The following ZC3H12B variants were observed in gnomAD, a reference collection of about 807,000 sequenced individuals.
ZC3H12B encodes the protein probable ribonuclease ZC3H12B.
A neutral mutation model predicts 43.9 loss-of-function variants in ZC3H12B; 7 were observed. The observed-to-expected ratio is 0.16, with a 90% CI of 0.09 to 0.30. The LOEUF (loss-of-function observed/expected upper bound fraction) is 0.30. ZC3H12B is among the 10% of genes least tolerant of loss of function. The probability of loss-of-function intolerance (pLI) is 1.00; values close to 1 mark genes in which losing one functional copy is unlikely to be tolerated. For missense variants in ZC3H12B, 475 were observed against 670.2 expected, an observed-to-expected ratio of 0.71 and a Z score of 3.22; for synonymous variants, 222 against 241.7, an observed-to-expected ratio of 0.92 and a Z score of 0.76.
chrX:65,449,627 T>TA (rs199559067), intron 3 of ZC3H12B, among the ~76,000 whole-genome samples: 22 of 106,119 alleles, frequency 2.1e-4, no homozygotes, highest in African/African-American at 5.8e-4. Context: ...TCAAAAGAAT[T>TA]AAAAAAAAAA....
At chrX:65,365,924 G>A (rs1314562311), upstream of ZC3H12B, among the ~76,000 whole-genome samples, 1 of 109,400 alleles carries the variant, frequency 9.1e-6, no homozygotes, top group Non-Finnish European at 1.9e-5. Flanking sequence ...TCTCTTTTTG[G>A]ACTCAACCCT....
At chrX:65,329,521 T>C in the ZC3H12B span, among the ~76,000 whole-genome samples, 1 of 91,893 alleles carries the variant, frequency 1.1e-5, no homozygotes, top group Non-Finnish European at 1.9e-5. Context: ...CTGACGGAAG[T>C]TTCTTTTGCT....
chrX:65,192,139 A>G, the ZC3H12B span, among the ~76,000 whole-genome samples: 6 of 109,101 alleles, frequency 5.5e-5, no homozygotes, highest in African/African-American at 2.0e-4. Context: ...CCTGAGTTCT[A>G]GTTTGATTAC....
chrX:65,167,315 C>T, the ZC3H12B span, among the ~76,000 whole-genome samples: 1 of 111,919 alleles, frequency 8.9e-6, no homozygotes, highest in Non-Finnish European at 1.9e-5. Flanking sequence ...TTCCCCATTT[C>T]TGGTTTTTGT....
chrX:65,314,939 G>A, the ZC3H12B span, among the ~76,000 whole-genome samples: 3 of 110,972 alleles, frequency 2.7e-5, no homozygotes, highest in African/African-American at 9.8e-5. Context: ...TAAATTAACT[G>A]TAAGGAGTTA....
chrX:65,472,379 GTTGTTTTTT>G (rs1397184966), intron 3 of ZC3H12B, among the ~76,000 whole-genome samples: 2 of 90,766 alleles, frequency 2.2e-5, no homozygotes, highest in Admixed American at 1.0e-4. Flanking sequence ...CTGTACAGAA[GTTGTTTTTT>G]TTGTTTTTTT....
the ZC3H12B span, among the ~76,000 whole-genome samples, chrX:65,073,376 G>T: frequency 8.9e-6 from 1 of 111,928 alleles, no homozygotes; most frequent in African/African-American, 3.2e-5. Flanking sequence ...CTCTTTTCTG[G>T]CCAGGCATGG....
the ZC3H12B span, among the ~76,000 whole-genome samples, chrX:65,157,137 C>T: frequency 2.3e-4 from 26 of 110,783 alleles, no homozygotes; most frequent in Non-Finnish European, 1.3e-4. Flanking sequence ...GGCTCCAACA[C>T]ACCTGGCTGA....
chrX:65,070,565 T>G, the ZC3H12B span, among the ~76,000 whole-genome samples: 1 of 111,002 alleles, frequency 9.0e-6, no homozygotes, highest in East Asian at 2.8e-4. Context: ...TTTGATGTGG[T>G]GTTTAGTGCT....
upstream of ZC3H12B, among the ~76,000 whole-genome samples, chrX:65,485,178 GT>G (rs2068109133): frequency 2.7e-5 from 3 of 112,449 alleles, no homozygotes; most frequent in African/African-American, 6.5e-5. Flanking sequence ...TCTGACTAAT[GT>G]GATTTTCCAA....
At chrX:65,260,230 T>A in the ZC3H12B span, among the ~76,000 whole-genome samples, 34 of 110,645 alleles carry the variant, frequency 3.1e-4, no homozygotes, top group African/African-American at 7.2e-4. Context: ...AATAAAAAAA[T>A]TTTTAAGCAG....
chrX:65,120,445 G>T, the ZC3H12B span, among the ~76,000 whole-genome samples: 1 of 111,349 alleles, frequency 9.0e-6, no homozygotes, highest in Non-Finnish European at 1.9e-5. Flanking sequence ...TTGGCTCTCT[G>T]TTTGTCTGTT....
At chrX:65,286,617 G>A in the ZC3H12B span, among the ~76,000 whole-genome samples, 1 of 110,301 alleles carries the variant, frequency 9.1e-6, no homozygotes, top group Non-Finnish European at 1.9e-5. Flanking sequence ...ACACACACAC[G>A]TATATAATAC....
the ZC3H12B span, among the ~76,000 whole-genome samples, chrX:65,202,137 T>TCTAAA: frequency 2.7e-5 from 2 of 74,776 alleles, 1 homozygote; most frequent in African/African-American, 2.7e-4. Context: ...ATATATATTT[T>TCTAAA]ATATAATATG....
the ZC3H12B span, among the ~76,000 whole-genome samples, chrX:65,195,343 T>A: frequency 2.7e-5 from 3 of 111,617 alleles, no homozygotes; most frequent in Admixed American, 9.6e-5. Flanking sequence ...GGTTTTTTGA[T>A]TTGAGGTAAC....
At chrX:65,057,250 C>A in the ZC3H12B span, among the ~76,000 whole-genome samples, 25 of 111,737 alleles carry the variant, frequency 2.2e-4, no homozygotes, top group Non-Finnish European at 4.5e-4. Flanking sequence ...TTTAGTGCTT[C>A]CTTCAGGAGC....
the ZC3H12B span, among the ~76,000 whole-genome samples, chrX:65,160,428 A>T: frequency 8.9e-6 from 1 of 111,901 alleles, no homozygotes; most frequent in South Asian, 3.7e-4. Context: ...GATTATTGCC[A>T]CAGCTTCAGA....
At chrX:65,124,347 T>C in the ZC3H12B span, among the ~76,000 whole-genome samples, 1 of 111,400 alleles carries the variant, frequency 9.0e-6, no homozygotes, top group Non-Finnish European at 1.9e-5. Context: ...ACCCACTTGA[T>C]TATGGTAGAT....
intron 3 of ZC3H12B, among the ~76,000 whole-genome samples, chrX:65,464,520 T>C (rs1353687314): frequency 9.0e-6 from 1 of 111,275 alleles, no homozygotes; most frequent in Admixed American, 9.6e-5. Context: ...TTTTTTAATC[T>C]CTGTCAATCT....
Sources: allele counts gnomAD v4.1 joint callset (sites outside exome capture counted in the v4.1 genomes callset), GRCh38; gene constraint gnomAD v4.1.1; transcripts MANE v1.5; gene names NCBI Gene and HGNC (gene_info 2026-07-23, HGNC 2026-07-21).